The following DENND3 variants were observed in gnomAD, a reference collection of about 807,000 sequenced individuals.
DENND3 encodes DENN domain containing 3.
DENND3 carries 88 observed loss-of-function variants against 135.1 expected under a neutral mutation model. The ratio of observed to expected loss-of-function variants is 0.65; its 90% CI spans 0.55 to 0.78. The LOEUF is 0.78. DENND3 is among the 30% of genes least tolerant of loss of function. The pLI is 0.00. For synonymous variants in DENND3, 693 were observed against 712.3 expected (o/e 0.97, Z 0.43); for missense variants, 1,392 against 1,688.4 (o/e 0.82, Z 3.08).
At chr8:141,172,152 A>G (rs1322135122) in intron 13 of DENND3, among the ~76,000 whole-genome samples, 1 of 141,078 alleles carries the variant, frequency 7.1e-6, no homozygotes, top group East Asian at 2.2e-4. Flanking sequence ...GTGGGTGTGC[A>G]TAGTGACTGT....
intron 5 of DENND3, among the ~76,000 whole-genome samples, chr8:141,148,483 A>T (rs1342842658): frequency 1.3e-5 from 2 of 152,018 alleles, no homozygotes; most frequent in Non-Finnish European, 2.9e-5. Context: ...GCAAAATCTC[A>T]CACACACACA....
rs118187053 is a variant in DENND3 at position 141,139,931 on chromosome 8, A to T, written c.502-1272A>T. Among the ~76,000 whole-genome samples, 385 of 148,370 alleles carry T rather than the reference A, an allele frequency of 2.6e-3. 4 individuals carry two copies. In the East Asian group the frequency reaches 0.03, roughly 11 times the overall value. ...TTTTTCTTTCTTTTTTTTTTTTGAG[A>T]CAGTCTCGCTGTGTCACCCAGGCTT... On this transcript the variant is annotated intron_variant, in intron 3 of 22. Coordinates refer to ENST00000519811, the MANE Select transcript of DENND3 (RefSeq NM_001352890.3). This position sits in a 1 kb window ranked among gnomAD's most constrained non-coding sequence, Gnocchi z 4.2.
rs1037466073 is a variant in DENND3 at position 141,174,528 on chromosome 8, CG to C, written c.2276-671del. Among the ~76,000 whole-genome samples the C allele has an allele frequency of 6.6e-6, 1 of 152,102 alleles. No homozygotes were observed. The highest frequency in any genetic ancestry group is 6.5e-5 in the Admixed American group (1 of 15,276). ...CGCTGACAGATAAGCAGGTTCGTTC[CG>C]CGACTTGCCAGGAGTCTCTGTGAAA... On this transcript the variant is annotated intron_variant, in intron 13 of 22. Coordinates refer to ENST00000519811, the MANE Select transcript of DENND3 (RefSeq NM_001352890.3). This position sits in a 1 kb window ranked among gnomAD's most constrained non-coding sequence, Gnocchi z 4.6.
chr8:141,166,406 A>C lies in DENND3; in HGVS notation c.1753+17A>C. ...GCAGCGCAGGTGAGGGCTGCCCCCCACTGTGGTGCTGTGTGTCGGTCCCAC... is the reference window on the plus strand; with the variant it reads ...GCAGCGCAGGTGAGGGCTGCCCCCCCCTGTGGTGCTGTGTGTCGGTCCCAC... On this transcript the variant is annotated intron_variant, in intron 12 of 22. Coordinates refer to ENST00000519811, the MANE Select transcript of DENND3 (RefSeq NM_001352890.3). The surrounding 1 kb of genome is among the most constrained non-coding windows in gnomAD (Gnocchi z 4.3). 1 of 1,604,256 alleles carries C rather than the reference A, an allele frequency of 6.2e-7. No individual in the cohort carries two copies. The highest frequency in any genetic ancestry group is 2.2e-5 in the East Asian group (1 of 44,780).
chr8:141,160,622 C>T lies in DENND3; in HGVS notation c.1197-10C>T, dbSNP rs565973349. ...TGGGGCTGAGCTAGCTTCGGTCTGCCTCCTTCCAGGGTGCAGAGCCTCCAG... is the reference window on the plus strand; with the variant it reads ...TGGGGCTGAGCTAGCTTCGGTCTGCTTCCTTCCAGGGTGCAGAGCCTCCAG... On this transcript the variant is annotated splice_polypyrimidine_tract_variant and intron_variant, in intron 8 of 22. Transcript: ENST00000519811. The T allele has an allele frequency of 1.3e-6, 2 of 1,590,020 alleles. No homozygotes were observed. The highest frequency in any genetic ancestry group is 1.7e-6 in the Non-Finnish European group (2 of 1,162,408).
At chr8:141,181,152 C>T (rs1441999882) in intron 17 of DENND3, among the ~76,000 whole-genome samples, 3 of 152,196 alleles carry the variant, frequency 2.0e-5, no homozygotes, top group African/African-American at 4.8e-5. Flanking sequence ...GAGCAGTCGA[C>T]GGTCACGCTA....
chr8:141,183,935 C>G (rs1328748983), intron 17 of DENND3, among the ~76,000 whole-genome samples: 1 of 152,108 alleles, frequency 6.6e-6, no homozygotes, highest in Non-Finnish European at 1.5e-5. Flanking sequence ...GGTCTTAGTT[C>G]CAGCTGTGGC....
rs1569556500 is a variant in DENND3 at position 141,176,621 on chromosome 8, C to G, written c.2566C>G (p.Leu856Val). The G allele has an allele frequency of 1.2e-6, 2 of 1,614,260 alleles. No homozygotes were observed. Among genetic ancestry groups the G allele is most frequent in the Non-Finnish European group, 8.5e-7 (1 of 1,180,040 alleles). Residue 856 changes from leucine (L) to valine (V), a missense_variant, in exon 15 of 23, where the codon CTT becomes GTT. Physicochemically the swap from Leu to Val is conservative, Grantham distance 32. Transcript: ENST00000519811. ...EVRRTTTTFL[L>V]RRIPTLKIRV... ...CAGGAGAACCACTACTACATTTCTACTTCGGAGAATACCCACTTTAAAAAT... is the reference window on the plus strand; with the variant it reads ...CAGGAGAACCACTACTACATTTCTAGTTCGGAGAATACCCACTTTAAAAAT...
In DENND3 at chr8:141,136,540, C is replaced by T; in HGVS notation, c.134C>T (p.Ser45Phe). The change falls in exon 2 of 23, where the codon TCT becomes TTT. Residue 45 changes from serine (S) to phenylalanine (F), a missense_variant. By Grantham distance (155) the Ser-to-Phe change is radical. Transcript: ENST00000519811. ...TATAAAAAGGGAGTCAAACATCTTT[C>T]TGCTCTTCTTGATCCAGAGGTCCTG... ...VAYKKGVKHL[S>F]ALLDPEVLSI... The T allele has an allele frequency of 1.3e-6, 2 of 1,551,956 alleles. No individual in the cohort carries two copies. The highest frequency in any genetic ancestry group is 2.7e-5 in the African/African-American group (2 of 73,254).
rs768277894 is a variant in DENND3, at chr8:141,142,370, G to A, written c.623+1046G>A. ...GCTGGAGAATGAGCCACGGCAAATC[G>A]CTGAATTGGTGCTGTTCTTGCTTCT... is the stretch of plus-strand genomic sequence containing the variant. On this transcript the variant is annotated intron_variant, in intron 4 of 22. Coordinates refer to ENST00000519811, the MANE Select transcript of DENND3 (RefSeq NM_001352890.3). 15 of 456,726 alleles carry A rather than the reference G, an allele frequency of 3.3e-5. 1 individual carries two copies. The highest frequency in any genetic ancestry group is 3.2e-4 in the Middle Eastern group (1 of 3,100). The allele number at this position is 456,726 out of a possible 1,614,324, so 28.3% of individuals were successfully genotyped here. A position where few individuals can be genotyped will look rare whatever the true frequency, so the allele number is the denominator to read the frequency against.
At chr8:141,177,376 G>T (rs1822521714) in intron 15 of DENND3, 1 of 152,760 alleles carries the variant, frequency 6.5e-6, no homozygotes, top group African/African-American at 2.4e-5. Context: ...TTAGAAAATG[G>T]GCAAAGACCA....
At position 141,151,707 on chromosome 8, in the gene DENND3, C is replaced by T. The variant is rs910402732; in HGVS notation, c.944C>T (p.Ala315Val). Residue 315 changes from alanine to valine, a missense_variant, in exon 7 of 23, where the codon GCC becomes GTC. Transcript: ENST00000519811. ...ACGCTGGTCACTGAGTGCTTCATGGCCTACCTGTATCCGCTGCAGTGGCAG... is the reference window on the plus strand; with the variant it reads ...ACGCTGGTCACTGAGTGCTTCATGGTCTACCTGTATCCGCTGCAGTGGCAG... ...LLTLVTECFM[A>V]YLYPLQWQHP... 8 of 1,614,044 alleles carry T rather than the reference C, an allele frequency of 5.0e-6. No individual in the cohort carries two copies. Among genetic ancestry groups the T allele is most frequent in the Non-Finnish European group, 6.8e-6 (8 of 1,180,036 alleles).
intron 20 of DENND3, chr8:141,192,114 AC>A: frequency 2.0e-6 from 1 of 509,270 alleles, no homozygotes; most frequent in Non-Finnish European, 3.4e-6. Context: ...CCATATATTT[AC>A]GTTTTCTGGT....
chr8:141,158,201 A>G (rs755864082), intron 8 of DENND3: 189 of 1,289,602 alleles, frequency 1.5e-4, no homozygotes, highest in Non-Finnish European at 1.9e-4. Flanking sequence ...AGCCAAGGGC[A>G]CCTGAGCAGC....
intron 16 of DENND3, 144 bp from the exon 17 acceptor site, chr8:141,180,603 G>A: frequency 1.4e-6 from 1 of 732,734 alleles, no homozygotes; most frequent in Non-Finnish European, 2.2e-6. Flanking sequence ...CAGTGCCCCG[G>A]GTCCAAGAGA....
Position 141,138,114 on chromosome 8 carries a change from G to T in DENND3, c.478G>T (p.Ala160Ser). 6.2e-7 allele frequency: 1 copy of T among 1,608,048 alleles called. No individual in the cohort carries two copies. ...CGGGAATAGGACCTATGGCGTGGTG[G>T]CCCAGTACTACCGGCCCCTGCATGT... ...VCGNRTYGVV[A>S]QYYRPLHDEY... Residue 160 changes from alanine (A) to serine (S), a missense_variant, in exon 3 of 23, where the codon GCC becomes TCC. Ala to Ser is a moderately conservative substitution (Grantham distance 99). Coordinates refer to ENST00000519811, the MANE Select transcript of DENND3 (RefSeq NM_001352890.3). This position sits in a 1 kb window ranked among gnomAD's most constrained non-coding sequence, Gnocchi z 4.8.
chr8:141,131,102 A>G (rs1427305434), intron 1 of DENND3, among the ~76,000 whole-genome samples: 1 of 152,154 alleles, frequency 6.6e-6, no homozygotes, highest in Non-Finnish European at 1.5e-5. Context: ...ATCCAGCTTC[A>G]TGTTGGATAG....
In DENND3 at chr8:141,143,264, GT is replaced by G. The variant is rs200310762; in HGVS notation, c.624-876del. ...TGTTTTGGGAATCAGAGTATGGGTAGTTTTTTTTAAATTTTTTTTTATTATA... is the reference window on the plus strand; with the variant it reads ...TGTTTTGGGAATCAGAGTATGGGTAGTTTTTTTAAATTTTTTTTTATTATA... On this transcript the variant is annotated intron_variant, in intron 4 of 22. Coordinates refer to ENST00000519811, the MANE Select transcript of DENND3 (RefSeq NM_001352890.3). 5.2e-4 allele frequency among the ~76,000 whole-genome samples: 79 copies of G among 152,144 alleles called. No individual in the cohort carries two copies. In the East Asian group the frequency reaches 0.013, roughly 25 times the overall value.
At position 141,141,495 on chromosome 8, in the gene DENND3, C is replaced by A; in HGVS notation, c.623+171C>A. 1 of 742,272 alleles carries A rather than the reference C, an allele frequency of 1.3e-6. No individual in the cohort carries two copies. Among genetic ancestry groups the A allele is most frequent in the Non-Finnish European group, 2.1e-6 (1 of 469,016 alleles). The allele number at this position is 742,272 out of a possible 1,614,324, so 46.0% of individuals were successfully genotyped here. A position where few individuals can be genotyped will look rare whatever the true frequency, so the allele number is the denominator to read the frequency against. On this transcript the variant is annotated intron_variant, in intron 4 of 22. Coordinates refer to ENST00000519811, the MANE Select transcript of DENND3 (RefSeq NM_001352890.3). This position sits in a 1 kb window ranked among gnomAD's most constrained non-coding sequence, Gnocchi z 5.3. ...CAGTAGGAGGGGCAGTTCTCTGTGC[C>A]TCTTAGGCTGTTGCTTAAGGCTGGG...
Sources: allele counts gnomAD v4.1 joint callset (sites outside exome capture counted in the v4.1 genomes callset), GRCh38; gene constraint gnomAD v4.1.1; non-coding constraint Gnocchi (gnomAD v3.1); transcripts MANE v1.5; gene names NCBI Gene and HGNC (gene_info 2026-07-23, HGNC 2026-07-21).